CCDC88B: variants seen among roughly 807,000 people sequenced by gnomAD.
The protein encoded by CCDC88B is coiled-coil and HOOK domain protein 88B.
A neutral mutation model predicts 183.7 loss-of-function variants in CCDC88B; 138 were observed. The ratio of observed to expected loss-of-function variants is 0.75; its 90% confidence interval spans 0.65 to 0.87. CCDC88B has a LOEUF of 0.87. Ranked by LOEUF, CCDC88B falls within the 40% of genes least tolerant of loss-of-function variation. The pLI is 0.00. For synonymous variants in CCDC88B, 835 were observed against 867.5 expected, an observed-to-expected ratio of 0.96 and a Z score of 0.66; for missense variants, 1,822 against 1,965.6, an observed-to-expected ratio of 0.93 and a Z score of 1.38.
chr11:64,353,983 C>A, intron 23 of CCDC88B, 21 bp from the exon 24 acceptor site: 1 of 1,513,386 alleles, frequency 6.6e-7, no homozygotes, highest in Non-Finnish European at 8.9e-7. Flanking sequence ...CTGACCCCCT[C>A]TTGTGCCCTC....
rs1565054988 is a variant in CCDC88B, at chr11:64,351,457, A to G, written c.2959-19A>G. On this transcript the variant is annotated intron_variant, in intron 17 of 26. Transcript: ENST00000356786. The stretch of plus-strand genomic sequence containing the variant: ...GTGCCCCCGCCACCTGGCTATTGCT[A>G]ACCCCCACTTCTGGGCAGAATGCGA... 1 of 1,579,952 alleles carries G rather than the reference A, an allele frequency of 6.3e-7. No homozygotes were observed. Among genetic ancestry groups the G allele is most frequent in the South Asian group, 1.1e-5 (1 of 87,684 alleles).
chr11:64,357,458 G>A lies in CCDC88B; in HGVS notation c.*364G>A, dbSNP rs759459103. On this transcript the variant is annotated 3_prime_UTR_variant, in exon 27 of 27. Transcript: ENST00000356786. ...GGGAAGCTGAGTCCCAGTGCTGGGG[G>A]ACTGTGGCCTGGGCTGATCTTGAGC... The A allele has an allele frequency of 1.4e-6, 1 of 716,854 alleles. No individual in the cohort carries two copies. The highest frequency in any genetic ancestry group is 2.6e-6 in the Non-Finnish European group (1 of 384,830). The allele number at this position is 716,854 out of a possible 1,614,324, so 44.4% of individuals were successfully genotyped here. A position where few individuals can be genotyped will look rare whatever the true frequency, so the allele number is the denominator to read the frequency against.
chr11:64,340,425 G>A (rs1253925199), intron 1 of CCDC88B, 99 bp downstream of exon 1: 7 of 1,302,168 alleles, frequency 5.4e-6, no homozygotes, highest in East Asian at 5.4e-5. Context: ...GAACCAGGCC[G>A]GAGGGGAGGG....
chr11:64,354,035 A>T lies in CCDC88B; in HGVS notation c.3964A>T (p.Arg1322Trp). Residue 1322 changes from arginine (R) to tryptophan (W), a missense_variant, in exon 24 of 27, where the codon AGG becomes TGG. Coordinates refer to ENST00000356786, the MANE Select transcript of CCDC88B (RefSeq NM_032251.6). ...CAGCTGGCTGGCAGACAAGGTGAAG[A>T]GGCTGATGCGGCCCCGGCGGGAGGG... ...KGSWLADKVK[R>W]LMRPRREGGP... 2 of 1,473,410 alleles carry T rather than the reference A, an allele frequency of 1.4e-6. No individual in the cohort carries two copies. The highest frequency in any genetic ancestry group is 1.8e-6 in the Non-Finnish European group (2 of 1,107,742). The allele number at this position is 1,473,410 out of a possible 1,614,324, so 91.3% of individuals were successfully genotyped here. A position where few individuals can be genotyped will look rare whatever the true frequency, so the allele number is the denominator to read the frequency against.
intron 1 of CCDC88B, 60 bp downstream of exon 1, chr11:64,340,386 G>A: frequency 7.8e-7 from 1 of 1,282,206 alleles, no homozygotes; most frequent in Non-Finnish European, 1.0e-6. Context: ...AGGGGCTGGT[G>A]TTGGCGCTGG....
At chr11:64,354,331 G>A (rs2036459400) in intron 24 of CCDC88B, among the ~76,000 whole-genome samples, 161 bp downstream of exon 24, 2 of 152,002 alleles carry the variant, frequency 1.3e-5, no homozygotes, top group African/African-American at 4.8e-5. Context: ...TTTTCCCTGG[G>A]TCCTACAGGG....
rs771813182 is a variant in CCDC88B, at chr11:64,340,655, G to A, written c.109G>A (p.Glu37Lys). 5.6e-6 allele frequency: 9 copies of A among 1,611,538 alleles called. No individual in the cohort carries two copies. Among genetic ancestry groups the A allele is most frequent in the African/African-American group, 2.7e-5 (2 of 74,886 alleles). ...CGGGGAGGCGGAGGACTCGGAGGGG[G>A]AAGAAGAGGAAGAGGAGGAAGAGCC... is the stretch of plus-strand genomic sequence containing the variant. ...LVGEAEDSEG[E>K]EEEEEEEPPL... The change falls in exon 2 of 27, where the codon GAA (glutamate) becomes AAA (lysine). Residue 37 changes from glutamate to lysine, a missense_variant. Physicochemically the swap from Glu to Lys is moderately conservative, Grantham distance 56 (BLOSUM62 1). Transcript: ENST00000356786.
intron 2 of CCDC88B, 64 bp downstream of exon 2, chr11:64,340,816 G>C (rs909398066): frequency 6.4e-7 from 1 of 1,552,220 alleles, no homozygotes; most frequent in Non-Finnish European, 8.7e-7. Context: ...GCGGGTGGGC[G>C]GAGCCTGATG....
intron 16 of CCDC88B, chr11:64,350,183 C>A (rs1346186547): frequency 6.0e-6 from 1 of 167,138 alleles, no homozygotes; most frequent in African/African-American, 2.4e-5. Context: ...AGATACCCAG[C>A]AGGTGCATGC....
chr11:64,351,233 G>A lies in CCDC88B; in HGVS notation c.2936G>A (p.Arg979Gln), dbSNP rs566542432. 166 of 1,530,462 alleles carry A rather than the reference G, an allele frequency of 1.1e-4. No individual in the cohort carries two copies. The highest frequency in any genetic ancestry group is 5.9e-4 in the East Asian group (24 of 40,742). 94.8% of individuals were successfully genotyped at this position (1,530,462 alleles called of 1,614,324 possible). The change falls in exon 17 of 27, where the codon CGG becomes CAG. Residue 979 changes from arginine to glutamine, a missense_variant. By Grantham distance (43) the Arg-to-Gln change is conservative. Transcript: ENST00000356786. ...CAGCTGGTGGAGACCCAGAATGTGCGGCTTATTGAGGTGGAGCGCAGTGTG... is the reference window on the plus strand; with the variant it reads ...CAGCTGGTGGAGACCCAGAATGTGCAGCTTATTGAGGTGGAGCGCAGTGTG... ...EPQLVETQNV[R>Q]LIEVERSNAM...
chr11:64,348,162 GAGGGAATGGCAGC>G (rs1014400347), intron 14 of CCDC88B, among the ~76,000 whole-genome samples: 5 of 152,054 alleles, frequency 3.3e-5, no homozygotes, highest in Non-Finnish European at 5.9e-5. Context: ...TGTTCCATGG[GAGGGAATGGCAGC>G]AGGTAGGCAG....
At chr11:64,353,643 G>A (rs1257395676) in intron 22 of CCDC88B, 72 bp from the exon 23 acceptor site, 2 of 1,592,872 alleles carry the variant, frequency 1.3e-6, no homozygotes, top group Non-Finnish European at 8.6e-7. Flanking sequence ...CGTCCTCGCT[G>A]CAGCTTGTGC....
chr11:64,351,714 A>G, intron 18 of CCDC88B, 98 bp downstream of exon 18: 1 of 1,383,046 alleles, frequency 7.2e-7, no homozygotes, highest in Non-Finnish European at 9.5e-7. Flanking sequence ...GCTCCCAGCC[A>G]GCTGCCCCAC....
chr11:64,357,307 G>C lies in CCDC88B; in HGVS notation c.*213G>C, dbSNP rs781582491. 2.7e-6 allele frequency: 2 copies of C among 727,806 alleles called. No individual in the cohort carries two copies. The highest frequency in any genetic ancestry group is 2.3e-4 in the Middle Eastern group (1 of 4,388). The allele number at this position is 727,806 out of a possible 1,614,324, so 45.1% of individuals were successfully genotyped here. On this transcript the variant is annotated 3_prime_UTR_variant, in exon 27 of 27. Coordinates refer to ENST00000356786, the MANE Select transcript of CCDC88B (RefSeq NM_032251.6). Reference sequence around the variant, plus strand: ...GACAGGGGGGATGGCTGGCCCCCACGAGCAGCTCCAGGCTGGAGTTCTGGT... The same window carrying C: ...GACAGGGGGGATGGCTGGCCCCCACCAGCAGCTCCAGGCTGGAGTTCTGGT...
chr11:64,348,808 G>C (rs994581220), intron 14 of CCDC88B: 1 of 581,598 alleles, frequency 1.7e-6, no homozygotes, highest in Non-Finnish European at 3.1e-6. Flanking sequence ...CAGCCCAACC[G>C]CCAAAGGCCA....
Position 64,344,127 on chromosome 11 carries a change from C to T in CCDC88B, c.1586C>T (p.Ala529Val), listed in dbSNP as rs1422797881. ...VQKARDGGPQALDLAPPALDS... is the reference protein window; with the variant it reads ...VQKARDGGPQVLDLAPPALDS... ...AAGGCAAGGGATGGAGGCCCCCAGG[C>T]CTTGGACTTGGCTCCCCCGGCATTA... The change falls in exon 14 of 27, where the codon GCC becomes GTC. Residue 529 changes from alanine (A) to valine (V), a missense_variant. Coordinates refer to ENST00000356786, the MANE Select transcript of CCDC88B (RefSeq NM_032251.6). The surrounding 1 kb of genome is among the most constrained non-coding windows in gnomAD (Gnocchi z 4.5). 5.6e-6 allele frequency: 9 copies of T among 1,613,268 alleles called. No individual in the cohort carries two copies. The East Asian group carries it at 1.8e-4, about 32-fold the overall frequency.
intron 18 of CCDC88B, 62 bp downstream of exon 18, chr11:64,351,678 T>A: frequency 6.8e-7 from 1 of 1,470,010 alleles, no homozygotes; most frequent in Non-Finnish European, 9.0e-7. Flanking sequence ...TCCTTTTGGA[T>A]CATCCTGTGG....
rs374206658 is a variant in CCDC88B, at chr11:64,344,305, C to A, written c.1764C>A (p.Ser588=). ...ESGSPVETQE[S]PEKAGRRSSL... ...GCTCTCCTGTGGAGACACAGGAGTC[C>A]CCGGAGAAGGCTGGCCGTAGATCCT... is the stretch of plus-strand genomic sequence containing the variant. The change falls in exon 14 of 27, where the codon TCC becomes TCA. Residue 588 remains serine (S), a synonymous_variant. Coordinates refer to ENST00000356786, the MANE Select transcript of CCDC88B (RefSeq NM_032251.6). This position sits in a 1 kb window ranked among gnomAD's most constrained non-coding sequence, Gnocchi z 4.5. 3.7e-6 allele frequency: 6 copies of A among 1,613,652 alleles called. No individual in the cohort carries two copies. In the East Asian group the frequency reaches 1.3e-4, roughly 36 times the overall value.
In CCDC88B at chr11:64,344,956, G is replaced by A. The variant is rs1196924971; in HGVS notation, c.2415G>A (p.Glu805=). 3 of 1,553,756 alleles carry A rather than the reference G, an allele frequency of 1.9e-6. No homozygotes were observed. Among genetic ancestry groups the A allele is most frequent in the Admixed American group, 3.9e-5 (2 of 51,290 alleles). The change falls in exon 14 of 27, where the codon GAG becomes GAA. Residue 805 remains glutamate (E), a synonymous_variant. Transcript: ENST00000356786. This position sits in a 1 kb window ranked among gnomAD's most constrained non-coding sequence, Gnocchi z 4.5. ...TGGAGGCTGCTGGCCAGGAGCTGGA[G>A]TCTGCGTCCCAGGAACGGGAGGCGC... ...EAVEAAGQEL[E]SASQEREALV... is the part of the protein sequence containing the mutation.
Sources: allele counts gnomAD v4.1 joint callset (sites outside exome capture counted in the v4.1 genomes callset), GRCh38; gene constraint gnomAD v4.1.1; non-coding constraint Gnocchi (gnomAD v3.1); transcripts MANE v1.5; gene names NCBI Gene and HGNC (gene_info 2026-07-23, HGNC 2026-07-21).